PPP2R2B: variants seen among roughly 807,000 people sequenced by gnomAD.
PPP2R2B encodes serine/threonine-protein phosphatase 2A 55 kDa regulatory subunit B beta isoform.
In PPP2R2B, 5 loss-of-function variants were observed where a neutral mutation model predicts 46.0. The observed-to-expected ratio is 0.11, with a 90% confidence interval of 0.06 to 0.23. The LOEUF (loss-of-function observed/expected upper bound fraction) is 0.23. Among genes scored for constraint, PPP2R2B ranks in the 10% least tolerant of loss-of-function variants. The pLI, the probability that PPP2R2B is intolerant of heterozygous loss-of-function variation, is 1.00. For synonymous variants in PPP2R2B, 215 were observed against 206.7 expected (o/e 1.04, Z -0.34); for missense variants, 367 against 575.0 (o/e 0.64, Z 3.70).
At chr5:146,889,888 T>A (rs1210437118) in intron 1 of PPP2R2B, among the ~76,000 whole-genome samples, 1 of 152,168 alleles carries the variant, frequency 6.6e-6, no homozygotes, top group East Asian at 1.9e-4. Flanking sequence ...AGCTAAAAAA[T>A]GGGCTTAGAG....
At chr5:146,697,399 A>T (rs192358620) in intron 4 of PPP2R2B, among the ~76,000 whole-genome samples, 1 of 152,158 alleles carries the variant, frequency 6.6e-6, no homozygotes, top group Non-Finnish European at 1.5e-5. Flanking sequence ...TCTCTCTCTG[A>T]CCTATTTATG....
chr5:146,799,909 A>G (rs910705924), intron 2 of PPP2R2B, among the ~76,000 whole-genome samples: 3 of 152,198 alleles, frequency 2.0e-5, no homozygotes, highest in Non-Finnish European at 2.9e-5. Context: ...GCCCATGTAT[A>G]CTAACGGCTG....
Position 146,889,746 on chromosome 5 carries a change from C to G in PPP2R2B, c.79+165919G>C, listed in dbSNP as rs187099169. 1.6e-3 allele frequency among the ~76,000 whole-genome samples: 243 copies of G among 152,284 alleles called. 3 individuals are homozygous for G. Among genetic ancestry groups the G allele is most frequent in the African/African-American group, 5.2e-3 (217 of 41,556 alleles). On this transcript the variant is annotated intron_variant, in intron 1 of 8. Transcript: ENST00000336640. ...GAGTTCTTCTAGTGAATTATCAAAA[C>G]TGAGAATAATTTTAGAAACCCTCTG...
At chr5:147,064,075 A>G (rs1207517752) in intron 2 of PPP2R2B, among the ~76,000 whole-genome samples, 1 of 152,196 alleles carries the variant, frequency 6.6e-6, no homozygotes, top group Non-Finnish European at 1.5e-5. Context: ...CACACTGCTC[A>G]CAGCAGCCTG....
rs146873218 is a variant in PPP2R2B, at chr5:146,950,903, G to T, written c.79+104762C>A. Among the ~76,000 whole-genome samples the T allele has an allele frequency of 1.7e-3, 262 of 152,102 alleles. 1 individual carries two copies. The highest frequency in any genetic ancestry group is 6.2e-3 in the African/African-American group (256 of 41,536). ...ATATAAGAAATATTTAATTCTTAGT[G>T]CCAAAAATTTTCGGCAATATGGATA... On this transcript the variant is annotated intron_variant, in intron 1 of 8. Coordinates refer to the PPP2R2B transcript ENST00000336640.
intron 2 of PPP2R2B, among the ~76,000 whole-genome samples, chr5:146,747,485 C>A (rs947763719): frequency 5.3e-5 from 8 of 152,192 alleles, no homozygotes; most frequent in African/African-American, 1.9e-4. Context: ...AAACCTCTGT[C>A]AGATAATGTG....
At chr5:146,826,844 C>T (rs773988564) in intron 2 of PPP2R2B, among the ~76,000 whole-genome samples, 1 of 152,052 alleles carries the variant, frequency 6.6e-6, no homozygotes, top group Non-Finnish European at 1.5e-5. Context: ...TCACTTCTGC[C>T]TACACCATAC....
intron 2 of PPP2R2B, among the ~76,000 whole-genome samples, chr5:146,864,389 T>C (rs1009115239): frequency 9.6e-6 from 1 of 103,968 alleles, no homozygotes; most frequent in African/African-American, 3.9e-5. Context: ...CCACACATAG[T>C]ATTAACCAAA....
chr5:147,008,773 T>A (rs1425987273), intron 1 of PPP2R2B, among the ~76,000 whole-genome samples: 13 of 152,164 alleles, frequency 8.5e-5, no homozygotes, highest in Admixed American at 8.5e-4. Flanking sequence ...TCATCTTTGA[T>A]AAGTTCTTTA....
chr5:146,933,804 G>A (rs531405465), intron 1 of PPP2R2B, among the ~76,000 whole-genome samples: 3 of 151,196 alleles, frequency 2.0e-5, no homozygotes, highest in South Asian at 4.2e-4. Flanking sequence ...CTAGCATTAG[G>A]TGTATCTCCC....
intron 2 of PPP2R2B, among the ~76,000 whole-genome samples, chr5:146,810,646 T>C (rs1757475969): frequency 6.6e-6 from 1 of 152,182 alleles, no homozygotes; most frequent in African/African-American, 2.4e-5. Context: ...TTCCTTCACC[T>C]TCACTGCCTC....
intron 1 of PPP2R2B, among the ~76,000 whole-genome samples, chr5:146,899,813 C>T (rs911492651): frequency 1.3e-5 from 2 of 151,890 alleles, no homozygotes; most frequent in African/African-American, 4.8e-5. Flanking sequence ...CAGGAGTGTT[C>T]GAGATTAAAA....
chr5:146,705,923 T>C (rs530653298), intron 2 of PPP2R2B, among the ~76,000 whole-genome samples: 11 of 151,756 alleles, frequency 7.2e-5, no homozygotes, highest in African/African-American at 2.7e-4. Context: ...TTTCAGAATA[T>C]ATCTTTTCTC....
chr5:146,928,140 C>T (rs1438040705), intron 1 of PPP2R2B, among the ~76,000 whole-genome samples: 2 of 152,124 alleles, frequency 1.3e-5, no homozygotes, highest in Non-Finnish European at 2.9e-5. Flanking sequence ...AGGAACATGT[C>T]TTTTTTTACT....
intron 1 of PPP2R2B, among the ~76,000 whole-genome samples, chr5:146,960,750 T>G (rs1365656199): frequency 6.6e-6 from 1 of 152,128 alleles, no homozygotes; most frequent in Non-Finnish European, 1.5e-5. Flanking sequence ...AGATGACAGA[T>G]TTTTACATAT....
chr5:146,758,249 A>G (rs184438926), intron 2 of PPP2R2B, among the ~76,000 whole-genome samples: 121 of 152,312 alleles, frequency 7.9e-4, no homozygotes, highest in Non-Finnish European at 1.2e-3. Flanking sequence ...CAAAGGCTCA[A>G]TCTGTAGCAG....
At chr5:146,677,425 AT>A (rs1020208875) in intron 5 of PPP2R2B, among the ~76,000 whole-genome samples, 3 of 150,630 alleles carry the variant, frequency 2.0e-5, no homozygotes, top group South Asian at 4.2e-4. Context: ...TGCCGTCACC[AT>A]TTTTTTTTGT....
intron 2 of PPP2R2B, among the ~76,000 whole-genome samples, chr5:146,817,982 T>C (rs1428919774): frequency 6.6e-6 from 1 of 152,252 alleles, no homozygotes; most frequent in Non-Finnish European, 1.5e-5. Flanking sequence ...CCTCATGGCC[T>C]TGCCTATGCT....
intron 1 of PPP2R2B, among the ~76,000 whole-genome samples, chr5:147,037,684 T>A (rs573088818): frequency 6.6e-6 from 1 of 152,120 alleles, no homozygotes; most frequent in Non-Finnish European, 1.5e-5. Context: ...ACCAATACCC[T>A]AAGAGTGGTG....
Sources: allele counts gnomAD v4.1 joint callset (sites outside exome capture counted in the v4.1 genomes callset), GRCh38; gene constraint gnomAD v4.1.1; transcripts MANE v1.5; gene names NCBI Gene and HGNC (gene_info 2026-07-23, HGNC 2026-07-21).